MTMR3: variants seen among roughly 807,000 people sequenced by gnomAD.
MTMR3 encodes phosphatidylinositol-3,5-bisphosphate 3-phosphatase MTMR3.
MTMR3 carries 32 observed loss-of-function variants against 132.4 expected under a neutral mutation model. That is an observed-to-expected ratio of 0.24 (90% CI 0.18 to 0.32). MTMR3 has a LOEUF of 0.32. Among genes scored for constraint, MTMR3 ranks in the 10% least tolerant of loss-of-function variants. The pLI, the probability that MTMR3 is intolerant of heterozygous loss-of-function variation, is 1.00. For synonymous variants in MTMR3, 556 were observed against 550.3 expected, an observed-to-expected ratio of 1.01 and a Z score of -0.14; for missense variants, 1,216 against 1,489.6, an observed-to-expected ratio of 0.82 and a Z score of 3.02.
At chr22:29,891,393 A>C in intron 1 of MTMR3, among the ~76,000 whole-genome samples, 1 of 144,130 alleles carries the variant, frequency 6.9e-6, no homozygotes, top group South Asian at 2.2e-4. Flanking sequence ...AATATATAAT[A>C]TATATGTGTA....
rs138769050 is a variant in MTMR3, at chr22:29,926,567, T to G, written c.-137-30469T>G. Among the ~76,000 whole-genome samples the G allele has an allele frequency of 1.2e-3, 185 of 152,370 alleles. 1 individual carries two copies. In the South Asian group the frequency reaches 0.029, roughly 24 times the overall value. ...TTACATTTGTGATTATCTGCCCTTT[T>G]GATTTTAGTCATGCTAGTGGGTTTA... is the stretch of plus-strand genomic sequence containing the variant. On this transcript the variant is annotated intron_variant, in intron 1 of 19. Transcript: ENST00000401950.
intron 19 of MTMR3, chr22:30,025,088 G>A (rs1490612373): frequency 6.3e-6 from 1 of 158,884 alleles, no homozygotes; most frequent in Non-Finnish European, 1.4e-5. Flanking sequence ...CTTGTCCCTG[G>A]CTTTGCATGC....
At chr22:29,976,931 A>G (rs2066640601) in intron 3 of MTMR3, among the ~76,000 whole-genome samples, 2 of 152,230 alleles carry the variant, frequency 1.3e-5, no homozygotes, top group African/African-American at 4.8e-5. Context: ...AGAAGCAACC[A>G]GTAACCACTG....
chr22:29,987,658 G>GC (rs1478747949), intron 5 of MTMR3: 1 of 152,224 alleles, frequency 6.6e-6, no homozygotes, highest in Non-Finnish European at 1.5e-5. Flanking sequence ...ACCCTGTCTA[G>GC]ATGCTTTTGC....
At chr22:29,940,893 T>C (rs2065844534) in intron 1 of MTMR3, among the ~76,000 whole-genome samples, 1 of 150,058 alleles carries the variant, frequency 6.7e-6, no homozygotes, top group Admixed American at 6.6e-5. Context: ...CAGGAGTTCA[T>C]ATGCATTCCT....
chr22:29,923,563 A>G (rs1014170715), intron 1 of MTMR3, among the ~76,000 whole-genome samples: 1 of 152,110 alleles, frequency 6.6e-6, no homozygotes, highest in African/African-American at 2.4e-5. Context: ...TCTTTGGAAC[A>G]ATGTCTGTTC....
In MTMR3 at chr22:29,941,420, C is replaced by G. The variant is rs187793776; in HGVS notation, c.-137-15616C>G. Reference sequence around the variant, plus strand: ...GTGCTTTCATTTCTCTTGGGTAATACCCAGGAGTAGAATTGTTGGATCATA... The same window carrying G: ...GTGCTTTCATTTCTCTTGGGTAATAGCCAGGAGTAGAATTGTTGGATCATA... On this transcript the variant is annotated intron_variant, in intron 1 of 19. Transcript: ENST00000401950. Among the ~76,000 whole-genome samples, 527 of 152,146 alleles carry G rather than the reference C, an allele frequency of 3.5e-3. 8 individuals are homozygous for G. Among genetic ancestry groups the G allele is most frequent in the Non-Finnish European group, 2.9e-3 (194 of 68,014 alleles).
Position 30,007,911 on chromosome 22 carries a change from G to A in MTMR3, c.888G>A (p.Leu296=). Residue 296 remains leucine, a synonymous_variant, in exon 11 of 20, where the codon CTG becomes CTA. Transcript: ENST00000401950. ...CCTCTGTGTCCCTAGATTCTTCTCT[G>A]TCAAATGCTTCAGGAGCAGAGAGTT... is the stretch of plus-strand genomic sequence containing the variant. ...DLSDVEFDSS[L]SNASGAESLA... The A allele has an allele frequency of 2.5e-6, 4 of 1,613,674 alleles. No individual in the cohort carries two copies. The highest frequency in any genetic ancestry group is 3.4e-6 in the Non-Finnish European group (4 of 1,179,986).
chr22:29,906,342 A>G (rs1181514680), intron 1 of MTMR3, among the ~76,000 whole-genome samples: 7 of 145,832 alleles, frequency 4.8e-5, no homozygotes, highest in East Asian at 3.9e-4. Flanking sequence ...CTGTCTATCT[A>G]TCTATCTATG....
At chr22:29,935,543 G>A (rs548259077) in intron 1 of MTMR3, among the ~76,000 whole-genome samples, 9 of 152,234 alleles carry the variant, frequency 5.9e-5, no homozygotes, top group African/African-American at 2.2e-4. Flanking sequence ...GAAATGATAC[G>A]GCAGAGTAAA....
chr22:29,999,022 C>T (rs1390128823), intron 8 of MTMR3, 165 bp downstream of exon 8: 6 of 457,762 alleles, frequency 1.3e-5, no homozygotes, highest in African/African-American at 6.1e-5. Context: ...CTTCTGTTCC[C>T]GTTGCTATCA....
At chr22:29,964,368 A>G (rs2066373590) in intron 2 of MTMR3, among the ~76,000 whole-genome samples, 1 of 152,182 alleles carries the variant, frequency 6.6e-6, no homozygotes, top group South Asian at 2.1e-4. Flanking sequence ...CATAATACCC[A>G]GAGTGGTCTA....
intron 1 of MTMR3, among the ~76,000 whole-genome samples, chr22:29,943,690 A>G (rs567379481): frequency 1.6e-4 from 24 of 152,174 alleles, no homozygotes; most frequent in Admixed American, 1.4e-3. Flanking sequence ...TTATTTTGCT[A>G]TGTCTCATAT....
chr22:29,923,677 C>G (rs911209393), intron 1 of MTMR3, among the ~76,000 whole-genome samples: 1 of 152,182 alleles, frequency 6.6e-6, no homozygotes, highest in Non-Finnish European at 1.5e-5. Context: ...GGTGATGGCT[C>G]TCTTCCTAGA....
intron 1 of MTMR3, among the ~76,000 whole-genome samples, chr22:29,931,094 A>T (rs1439982228): frequency 6.6e-6 from 1 of 151,860 alleles, no homozygotes; most frequent in Non-Finnish European, 1.5e-5. Context: ...TCTATAGTTG[A>T]GAATTGTTTC....
At chr22:29,978,818 T>C (rs1038069415) in intron 4 of MTMR3, 118 bp from the exon 5 acceptor site, 24 of 772,658 alleles carry the variant, frequency 3.1e-5, no homozygotes, top group African/African-American at 7.0e-5. Flanking sequence ...TATCTACTTA[T>C]GTGCTGTGTT....
intron 5 of MTMR3, chr22:29,984,686 C>T (rs767738863): frequency 2.0e-5 from 3 of 152,152 alleles, no homozygotes; most frequent in Admixed American, 6.5e-5. Context: ...TGAGTTGCTA[C>T]AAGACATTGA....
Position 29,920,470 on chromosome 22 carries a change from T to C in MTMR3, c.-137-36566T>C, listed in dbSNP as rs545708038. Among the ~76,000 whole-genome samples the C allele has an allele frequency of 5.3e-5, 8 of 152,300 alleles. No individual in the cohort carries two copies. The East Asian group carries it at 1.5e-3, about 29-fold the overall frequency. ...AACAGAATCCTGCTAACCTTGTGTG[T>C]GTATTCAATTTTGGTACCTGAAAGA... On this transcript the variant is annotated intron_variant, in intron 1 of 19. Transcript: ENST00000401950.
At position 30,022,009 on chromosome 22, in the gene MTMR3, CTG is replaced by C. The variant is rs750385326; in HGVS notation, c.3226-16_3226-15del. The C allele has an allele frequency of 5.7e-6, 9 of 1,578,352 alleles. No homozygotes were observed. The highest frequency in any genetic ancestry group is 1.7e-4 in the Middle Eastern group (1 of 6,036). ...AGGAGACCAGGTTCATTCTGTTCAG[CTG>C]TGTTTGTTTGCCAACAGACTTCAAT... On this transcript the variant is annotated intron_variant, in intron 17 of 19. Transcript: ENST00000401950.
Sources: allele counts gnomAD v4.1 joint callset (sites outside exome capture counted in the v4.1 genomes callset), GRCh38; gene constraint gnomAD v4.1.1; transcripts MANE v1.5; gene names NCBI Gene and HGNC (gene_info 2026-07-23, HGNC 2026-07-21).